SLC22A23: variants seen among roughly 807,000 people sequenced by gnomAD.
SLC22A23 encodes solute carrier family 22 member 23, also known as ion transporter protein.
In SLC22A23, 26 loss-of-function variants were observed where a neutral mutation model predicts 61.0. That is an observed-to-expected ratio of 0.43 (90% CI 0.31 to 0.59). SLC22A23 has a LOEUF of 0.59. Among genes scored for constraint, SLC22A23 ranks in the 20% least tolerant of loss-of-function variants. The pLI is 0.11. For synonymous variants in SLC22A23, 430 were observed against 413.9 expected (o/e 1.04, Z -0.47); for missense variants, 796 against 934.7 (o/e 0.85, Z 1.94).
chr6:3,455,963 G>C lies in SLC22A23; in HGVS notation c.597C>G (p.Asp199Glu). 6.5e-7 allele frequency: 1 copy of C among 1,540,670 alleles called. No homozygotes were observed. Among genetic ancestry groups the C allele is most frequent in the Non-Finnish European group, 8.8e-7 (1 of 1,140,964 alleles). Residue 199 changes from aspartate (D) to glutamate (E), a missense_variant, in exon 1 of 10, where the codon GAC becomes GAG. Transcript: ENST00000406686. ...PDKGDNASNCDCRAWDYGIRA... is the reference protein window; with the variant it reads ...PDKGDNASNCECRAWDYGIRA... Reference sequence around the variant, plus strand: ...GGATGCCGTAGTCCCATGCGCGGCAGTCACAGTTGGAGGCGTTGTCCCCCT... The same window carrying C: ...GGATGCCGTAGTCCCATGCGCGGCACTCACAGTTGGAGGCGTTGTCCCCCT...
chr6:3,456,395 TG>T lies in SLC22A23; in HGVS notation c.164del (p.Pro55HisfsTer186). 1 of 1,516,266 alleles carries T rather than the reference TG, an allele frequency of 6.6e-7. No homozygotes were observed. The allele number at this position is 1,516,266 out of a possible 1,614,324, so 93.9% of individuals were successfully genotyped here. A position where few individuals can be genotyped will look rare whatever the true frequency, so the allele number is the denominator to read the frequency against. ...GGTGCGGGCCGCCTCCAGGATGCAGTGGGGGCAGCGGCTGGATCTCCGCGCC... is the reference window on the plus strand; with the variant it reads ...GGTGCGGGCCGCCTCCAGGATGCAGTGGGGCAGCGGCTGGATCTCCGCGCC... ...GGGAEIQPLP[P>X]LHPGGGPHPS... On this transcript the variant is annotated frameshift_variant, in exon 1 of 10. Transcript: ENST00000406686. LOFTEE classifies it high-confidence loss of function. This position sits in a 1 kb window ranked among gnomAD's most constrained non-coding sequence, Gnocchi z 7.1.
chr6:3,445,698 A>G (rs1235384658), intron 1 of SLC22A23, among the ~76,000 whole-genome samples: 2 of 152,192 alleles, frequency 1.3e-5, no homozygotes, highest in Non-Finnish European at 2.9e-5. Context: ...AGCAGGAACC[A>G]AGGGGCTGAA....
rs534275035 is a variant in SLC22A23 at position 3,379,987 on chromosome 6, G to A, written c.913+30201C>T. 3.1e-3 allele frequency among the ~76,000 whole-genome samples: 467 copies of A among 152,240 alleles called. 3 individuals carry two copies. The highest frequency in any genetic ancestry group is 3.5e-3 in the Non-Finnish European group (237 of 68,006). ...TGTGTGTGTGTGTGTGCACGTGCGT[G>A]CATCTGTACACATGCCTGTGGGAGA... On this transcript the variant is annotated intron_variant, in intron 3 of 9. Transcript: ENST00000406686.
chr6:3,348,865 G>A (rs1177885797), intron 3 of SLC22A23, among the ~76,000 whole-genome samples: 3 of 152,226 alleles, frequency 2.0e-5, no homozygotes, highest in Admixed American at 1.3e-4. Context: ...CAGAGCCAGG[G>A]CAGGGAGGGC....
rs141396905 is a variant in SLC22A23 at position 3,416,095 on chromosome 6, G to A, written c.655-240C>T. 7.2e-5 allele frequency among the ~76,000 whole-genome samples: 11 copies of A among 152,330 alleles called. No homozygotes were observed. In the East Asian group the frequency reaches 7.7e-4, roughly 11 times the overall value. On this transcript the variant is annotated intron_variant, in intron 1 of 9. Transcript: ENST00000406686. ...AGATTATAAGTCTGCAAAGAATGAC[G>A]CAGGAAGTCTGGGGATGTGTATTCT...
chr6:3,449,067 C>A (rs1026811158), intron 1 of SLC22A23, among the ~76,000 whole-genome samples: 1 of 152,228 alleles, frequency 6.6e-6, no homozygotes, highest in Non-Finnish European at 1.5e-5. Flanking sequence ...CACTGCCAAA[C>A]TAAATGTTTA....
chr6:3,376,942 T>A (rs149428534), intron 3 of SLC22A23, among the ~76,000 whole-genome samples: 1 of 151,486 alleles, frequency 6.6e-6, no homozygotes, highest in Non-Finnish European at 1.5e-5. Flanking sequence ...GAAGGGCATT[T>A]CAGATGGAGG....
At chr6:3,314,069 C>A (rs1256699293) in intron 4 of SLC22A23, among the ~76,000 whole-genome samples, 5 of 152,178 alleles carry the variant, frequency 3.3e-5, no homozygotes, top group Non-Finnish European at 7.4e-5. Context: ...GTCATTTCAA[C>A]GATAACAAGA....
intron 4 of SLC22A23, among the ~76,000 whole-genome samples, chr6:3,305,134 G>C (rs12192536): frequency 0.29 from 44,554 of 152,074 alleles, 7,383 homozygotes; most frequent in Non-Finnish European, 0.38. Context: ...TCCCCCGTGT[G>C]TGATGCTTGC....
At chr6:3,432,870 C>T (rs2127541662) in intron 1 of SLC22A23, among the ~76,000 whole-genome samples, 1 of 152,334 alleles carries the variant, frequency 6.6e-6, no homozygotes, top group Middle Eastern at 3.4e-3. Flanking sequence ...TAACTCATCC[C>T]TGTTGGGAGA....
intron 1 of SLC22A23, among the ~76,000 whole-genome samples, chr6:3,448,535 C>G (rs1175931411): frequency 1.3e-5 from 2 of 152,052 alleles, no homozygotes; most frequent in Non-Finnish European, 2.9e-5. Flanking sequence ...CTCTGTCCCC[C>G]AGACAGTTAG....
At position 3,414,226 on chromosome 6, in the gene SLC22A23, A is replaced by G. The variant is rs753455048; in HGVS notation, c.758+1526T>C. ...TGCATTTTTTTAGAAAGACAGTGAC[A>G]TGGATTATATTAGTATATTTTTCTA... On this transcript the variant is annotated intron_variant, in intron 2 of 9. Coordinates refer to ENST00000406686, the MANE Select transcript of SLC22A23 (RefSeq NM_015482.2). The surrounding 1 kb of genome is among the most constrained non-coding windows in gnomAD (Gnocchi z 5.1). Among the ~76,000 whole-genome samples, 7 of 152,218 alleles carry G rather than the reference A, an allele frequency of 4.6e-5. No individual in the cohort carries two copies. Among genetic ancestry groups the G allele is most frequent in the Non-Finnish European group, 8.8e-5 (6 of 68,034 alleles).
rs1763532216 is a variant in SLC22A23 at position 3,330,632 on chromosome 6, T to C, written c.914-6630A>G. ...GGACATGTGATTGTGGAATTCCTTA[T>C]TATAGCAGAAGGGCCTGAAATTGCC... On this transcript the variant is annotated intron_variant, in intron 3 of 9. Coordinates refer to ENST00000406686, the MANE Select transcript of SLC22A23 (RefSeq NM_015482.2). This position sits in a 1 kb window ranked among gnomAD's most constrained non-coding sequence, Gnocchi z 4.7. Among the ~76,000 whole-genome samples the C allele has an allele frequency of 1.3e-5, 2 of 152,198 alleles. No individual in the cohort carries two copies. Among genetic ancestry groups the C allele is most frequent in the Non-Finnish European group, 2.9e-5 (2 of 68,026 alleles).
At chr6:3,444,993 C>T in intron 1 of SLC22A23, 2 of 985,572 alleles carry the variant, frequency 2.0e-6, no homozygotes, top group Non-Finnish European at 2.4e-6. Flanking sequence ...GCACCTGAGG[C>T]TTCCAGGGTG....
At chr6:3,393,463 C>A (rs1767797838) in intron 3 of SLC22A23, among the ~76,000 whole-genome samples, 1 of 152,240 alleles carries the variant, frequency 6.6e-6, no homozygotes, top group Non-Finnish European at 1.5e-5. Flanking sequence ...GTGCCTAGTG[C>A]TGGACTATTG....
chr6:3,321,930 C>A (rs1258673168), intron 4 of SLC22A23, among the ~76,000 whole-genome samples: 1 of 151,402 alleles, frequency 6.6e-6, no homozygotes, highest in Non-Finnish European at 1.5e-5. Flanking sequence ...TAGCACCAGC[C>A]AGCATGACCA....
intron 4 of SLC22A23, among the ~76,000 whole-genome samples, chr6:3,316,004 G>A (rs537806970): frequency 2.0e-5 from 3 of 152,124 alleles, no homozygotes; most frequent in Non-Finnish European, 4.4e-5. Flanking sequence ...AGGGCTCAGC[G>A]GCGTCTCAGG....
chr6:3,408,517 T>C (rs1200564261), intron 3 of SLC22A23, among the ~76,000 whole-genome samples: 1 of 152,168 alleles, frequency 6.6e-6, no homozygotes, highest in Non-Finnish European at 1.5e-5. Context: ...AGGTAGCCCT[T>C]CCCTACCCTC....
intron 3 of SLC22A23, among the ~76,000 whole-genome samples, chr6:3,400,437 TAG>T (rs1228759745): frequency 6.6e-6 from 1 of 152,146 alleles, no homozygotes; most frequent in African/African-American, 2.4e-5. Flanking sequence ...GTGCTTGCAG[TAG>T]GATGGTATCT....
Sources: allele counts gnomAD v4.1 joint callset (sites outside exome capture counted in the v4.1 genomes callset), GRCh38; gene constraint gnomAD v4.1.1; non-coding constraint Gnocchi (gnomAD v3.1); transcripts MANE v1.5; gene names NCBI Gene and HGNC (gene_info 2026-07-23, HGNC 2026-07-21).